The following OMA1 variants were observed in gnomAD, a reference collection of about 807,000 sequenced individuals.
OMA1 encodes the protein OMA1 zinc metallopeptidase.
OMA1 carries 38 observed loss-of-function variants against 30.9 expected under a neutral mutation model. That is an observed-to-expected ratio of 1.23 (90% CI 0.95 to 1.61). The LOEUF is 1.61. Among genes scored for constraint, OMA1 ranks in the 40% most tolerant of loss-of-function variants. The pLI is 0.00. For missense variants in OMA1, 461 were observed against 349.2 expected (o/e 1.32, Z -2.55); for synonymous variants, 173 against 121.9 (o/e 1.42, Z -2.76).
At chr1:58,493,005 C>T (rs925236404) in intron 8 of OMA1, among the ~76,000 whole-genome samples, 1 of 152,050 alleles carries the variant, frequency 6.6e-6, no homozygotes, top group African/African-American at 2.4e-5. Context: ...AACATCAATG[C>T]AAAAATCCTC....
At chr1:58,541,448 GA>G (rs540863324) in intron 1 of OMA1, 2 of 148,864 alleles carry the variant, frequency 1.3e-5, no homozygotes, top group Admixed American at 6.8e-5. Context: ...GGAGTTGTAG[GA>G]AAAAAGCAGC....
chr1:58,508,769 C>T (rs560832566), intron 7 of OMA1, among the ~76,000 whole-genome samples: 2 of 152,180 alleles, frequency 1.3e-5, no homozygotes, highest in South Asian at 2.1e-4. Context: ...CAAGCAGTTG[C>T]CATGACCACT....
intron 8 of OMA1, among the ~76,000 whole-genome samples, chr1:58,494,919 G>A (rs1645769543): frequency 6.6e-6 from 1 of 152,158 alleles, no homozygotes; most frequent in South Asian, 2.1e-4. Context: ...GCATTACTGG[G>A]TATATACCTA....
chr1:58,488,620 T>G (rs910675023), intron 8 of OMA1, among the ~76,000 whole-genome samples: 5 of 151,708 alleles, frequency 3.3e-5, no homozygotes, highest in Non-Finnish European at 7.3e-5. Context: ...TCTCGCTAAT[T>G]TTTGTATTTT....
chr1:58,513,129 G>T (rs1438332280), intron 7 of OMA1, among the ~76,000 whole-genome samples: 1 of 152,120 alleles, frequency 6.6e-6, no homozygotes, highest in Non-Finnish European at 1.5e-5. Context: ...TTGGTAGGAG[G>T]TGACTGGATC....
chr1:58,537,879 T>C (rs1303628018), intron 2 of OMA1, among the ~76,000 whole-genome samples: 2 of 152,162 alleles, frequency 1.3e-5, no homozygotes, highest in African/African-American at 2.4e-5. Flanking sequence ...TGATCAACAA[T>C]AGTAACAAAA....
intron 8 of OMA1, among the ~76,000 whole-genome samples, chr1:58,497,769 C>A (rs747026747): frequency 6.6e-6 from 1 of 152,162 alleles, no homozygotes; most frequent in African/African-American, 2.4e-5. Flanking sequence ...ACATAACAAA[C>A]CTTACCCTTG....
rs544388209 is a variant in OMA1 at position 58,491,770 on chromosome 1, C to G, written c.1366-10596G>C. On this transcript the variant is annotated intron_variant, in intron 8 of 8. Coordinates refer to ENST00000371226, the MANE Select transcript of OMA1 (RefSeq NM_145243.5). ...GAGCACCCAGATTCATAAAGCAAGT[C>G]CTTAGAGACCTACAAAGTGACTTAG... is the stretch of plus-strand genomic sequence containing the variant. Among the ~76,000 whole-genome samples the G allele has an allele frequency of 1.1e-4, 16 of 152,286 alleles. No individual in the cohort carries two copies. The East Asian group carries it at 2.9e-3, about 28-fold the overall frequency.
At chr1:58,486,632 A>G (rs779028120) in intron 8 of OMA1, among the ~76,000 whole-genome samples, 5 of 152,236 alleles carry the variant, frequency 3.3e-5, no homozygotes, top group Non-Finnish European at 7.3e-5. Context: ...GGTAAAAGCC[A>G]ATAAACAAAT....
chr1:58,485,957 T>C (rs112624684), intron 8 of OMA1, among the ~76,000 whole-genome samples: 1 of 152,218 alleles, frequency 6.6e-6, no homozygotes, highest in African/African-American at 2.4e-5. Context: ...CAAGAATATA[T>C]GGTTCTGAGA....
intron 7 of OMA1, among the ~76,000 whole-genome samples, chr1:58,511,717 A>T (rs1020642953): frequency 6.6e-6 from 1 of 152,144 alleles, no homozygotes; most frequent in African/African-American, 2.4e-5. Context: ...GAATATTCAC[A>T]TGCAAAAGAA....
chr1:58,498,797 TA>T (rs34573893), intron 8 of OMA1, among the ~76,000 whole-genome samples: 4,063 of 152,278 alleles, frequency 0.027, 188 homozygotes, highest in African/African-American at 0.093. Flanking sequence ...TTTCATCTTT[TA>T]AAAAAATTAT....
intron 8 of OMA1, among the ~76,000 whole-genome samples, chr1:58,488,318 TTTTA>T (rs1029137328): frequency 1.1e-4 from 16 of 152,164 alleles, no homozygotes; most frequent in African/African-American, 1.9e-4. Flanking sequence ...CATAACTTTG[TTTTA>T]TTTATTTATT....
In OMA1 at chr1:58,539,221, C is replaced by T; in HGVS notation, c.74G>A (p.Trp25Ter). 1 of 872,268 alleles carries T rather than the reference C, an allele frequency of 1.1e-6. No individual in the cohort carries two copies. Among genetic ancestry groups the T allele is most frequent in the Non-Finnish European group, 2.0e-6 (1 of 501,530 alleles). The allele number at this position is 872,268 out of a possible 1,614,324, so 54.0% of individuals were successfully genotyped here. A position where few individuals can be genotyped will look rare whatever the true frequency, so the allele number is the denominator to read the frequency against. Residue 25 changes from tryptophan (W) to a stop codon, truncating the protein, a stop_gained, in exon 2 of 9, where the codon TGG becomes TAG. Transcript: ENST00000371226. LOFTEE classifies it high-confidence loss of function. ...GGATGCTAATGTGTTACATTTTCTCCAGTTAGACAGTGAATTAAATCGGAA... is the reference window on the plus strand; with the variant it reads ...GGATGCTAATGTGTTACATTTTCTCTAGTTAGACAGTGAATTAAATCGGAA... The part of the protein sequence containing the change: ...VFFRFNSLSN[W>*]RKCNTLASTS...
chr1:58,508,427 T>A (rs2100421486), intron 7 of OMA1, among the ~76,000 whole-genome samples: 1 of 152,226 alleles, frequency 6.6e-6, no homozygotes, highest in South Asian at 2.1e-4. Context: ...TTGTGAGAAA[T>A]CCTGAAACTA....
intron 7 of OMA1, among the ~76,000 whole-genome samples, chr1:58,525,354 G>C (rs888444356): frequency 3.9e-5 from 6 of 152,050 alleles, no homozygotes; most frequent in African/African-American, 1.4e-4. Context: ...AAAACATGCT[G>C]TTCAAGAGTC....
chr1:58,511,450 C>A (rs758541762), intron 7 of OMA1, among the ~76,000 whole-genome samples: 1 of 152,006 alleles, frequency 6.6e-6, no homozygotes, highest in Non-Finnish European at 1.5e-5. Context: ...GAGTCCAAGA[C>A]CAACCTGGGC....
chr1:58,518,164 C>A (rs1181692141), intron 7 of OMA1, among the ~76,000 whole-genome samples: 1 of 129,878 alleles, frequency 7.7e-6, no homozygotes, highest in Non-Finnish European at 1.6e-5. Flanking sequence ...CCAGCCTGGG[C>A]AACAAAAGTG....
At chr1:58,542,895 C>T (rs1019440400) in intron 1 of OMA1, among the ~76,000 whole-genome samples, 3 of 151,902 alleles carry the variant, frequency 2.0e-5, no homozygotes, top group African/African-American at 7.3e-5. Flanking sequence ...GTATTCCGCA[C>T]AGGAATATAA....
Sources: allele counts gnomAD v4.1 joint callset (sites outside exome capture counted in the v4.1 genomes callset), GRCh38; gene constraint gnomAD v4.1.1; transcripts MANE v1.5; gene names NCBI Gene and HGNC (gene_info 2026-07-23, HGNC 2026-07-21).